Variants in EFCAB8 observed in about 807,000 individuals in gnomAD.
The protein encoded by EFCAB8 is EF-hand calcium binding domain 8, also known as EF-hand calcium-binding domain-containing protein 8.
A neutral mutation model predicts 116.3 loss-of-function variants in EFCAB8; 100 were observed. That is an observed-to-expected ratio of 0.86 (90% CI 0.73 to 1.02). EFCAB8 has a LOEUF of 1.02. Ranked by LOEUF, EFCAB8 falls within the 50% of genes least tolerant of loss-of-function variation. The pLI is 0.00. For missense variants in EFCAB8, 1,320 were observed against 1,416.9 expected (o/e 0.93, Z 1.10); for synonymous variants, 558 against 567.9 (o/e 0.98, Z 0.25).
chr20:32,961,162 G>T lies in EFCAB8; in HGVS notation c.3420G>T (p.Leu1140=), dbSNP rs557339857. ...TCTCGCCTCAGGTCTACCAAAGCCTGCACTTCAGTGATCTGATGCCGACTC... is the reference window on the plus strand; with the variant it reads ...TCTCGCCTCAGGTCTACCAAAGCCTTCACTTCAGTGATCTGATGCCGACTC... ...HQISPQVYQS[L]HFSDLMPTQQ... The change falls in exon 27 of 27, where the codon CTG becomes CTT. Residue 1140 remains leucine (L), a synonymous_variant. Coordinates refer to ENST00000400522, the MANE Select transcript of EFCAB8 (RefSeq NM_001143967.2). 1 of 1,552,266 alleles carries T rather than the reference G, an allele frequency of 6.4e-7. No individual in the cohort carries two copies. The highest frequency in any genetic ancestry group is 2.0e-5 in the Admixed American group (1 of 51,010).
chr20:32,865,053 C>A (rs1984320102), intron 2 of EFCAB8, among the ~76,000 whole-genome samples: 1 of 152,166 alleles, frequency 6.6e-6, no homozygotes, highest in South Asian at 2.1e-4. Flanking sequence ...GGGAGCCAGA[C>A]AGAATTCCAA....
chr20:32,860,328 T>TTATATATA (rs1278242081), intron 1 of EFCAB8, among the ~76,000 whole-genome samples: 2 of 151,730 alleles, frequency 1.3e-5, no homozygotes, highest in Non-Finnish European at 2.9e-5. Context: ...AAAAACCCAG[T>TTATATATA]TATTTTGTAG....
At chr20:32,931,103 C>G in intron 21 of EFCAB8, 75 bp from the exon 22 acceptor site, 1 of 1,289,572 alleles carries the variant, frequency 7.8e-7, no homozygotes, top group South Asian at 1.5e-5. Context: ...GAGGAATGGT[C>G]TGGGAGGAGC....
chr20:32,859,483 A>G (rs938455410), intron 1 of EFCAB8, among the ~76,000 whole-genome samples: 1 of 152,190 alleles, frequency 6.6e-6, no homozygotes, highest in Non-Finnish European at 1.5e-5. Context: ...TGTTGGCAGC[A>G]ACCAGCACTT....
rs1989040986 is a variant in EFCAB8, at chr20:32,958,437, T to C, written c.2976T>C (p.Ser992=). The change falls in exon 24 of 27, where the codon AGT becomes AGC. Residue 992 remains serine, a synonymous_variant. Transcript: ENST00000400522. The part of the protein sequence containing the change: ...SGDAIGTFGL[S]VWKRLQDACD... The stretch of plus-strand genomic sequence containing the variant: ...AAATCACAGGAACGTTTGGCCTGAG[T>C]GTGTGGAAAAGACTACAGGATGCCT... The C allele has an allele frequency of 2.4e-6, 1 of 416,398 alleles. No individual in the cohort carries two copies. The highest frequency in any genetic ancestry group is 4.4e-5 in the Admixed American group (1 of 22,690). 25.8% of individuals were successfully genotyped at this position (416,398 alleles called of 1,614,324 possible). A position where few individuals can be genotyped will look rare whatever the true frequency, so the allele number is the denominator to read the frequency against.
intron 11 of EFCAB8, among the ~76,000 whole-genome samples, chr20:32,902,293 G>A (rs189546818): frequency 6.6e-6 from 1 of 152,288 alleles, no homozygotes; most frequent in Admixed American, 6.5e-5. Context: ...GGCTGCATAG[G>A]ATGGTGGCCT....
chr20:32,879,595 A>C (rs985841030), intron 5 of EFCAB8, among the ~76,000 whole-genome samples: 1 of 152,188 alleles, frequency 6.6e-6, no homozygotes, highest in African/African-American at 2.4e-5. Flanking sequence ...CCTAAGAAAC[A>C]GATAACCTGA....
chr20:32,870,788 C>A (rs1303721162), intron 3 of EFCAB8, among the ~76,000 whole-genome samples: 2 of 152,146 alleles, frequency 1.3e-5, no homozygotes, highest in African/African-American at 4.8e-5. Context: ...AAGCGTTAGC[C>A]ACTGCACCCA....
At chr20:32,931,064 A>G in intron 21 of EFCAB8, 114 bp from the exon 22 acceptor site, 1 of 897,406 alleles carries the variant, frequency 1.1e-6, no homozygotes, top group Non-Finnish European at 1.7e-6. Context: ...GATGTAAGTA[A>G]GAACTGCCCC....
rs560542486 is a variant in EFCAB8, at chr20:32,919,575, C to T, written c.2275-503C>T. Among the ~76,000 whole-genome samples the T allele has an allele frequency of 3.3e-5, 5 of 152,232 alleles. No homozygotes were observed. In the South Asian group the frequency reaches 8.3e-4, roughly 25 times the overall value. On this transcript the variant is annotated intron_variant, in intron 19 of 26. Coordinates refer to ENST00000400522, the MANE Select transcript of EFCAB8 (RefSeq NM_001143967.2). ...GCAGTGGCGTGGTCTTCGCTCAGTG[C>T]AACCTCTGTCTCCTGGGTTCAAGCA...
chr20:32,875,447 T>A (rs1218541954), intron 3 of EFCAB8, among the ~76,000 whole-genome samples: 1 of 149,662 alleles, frequency 6.7e-6, no homozygotes, highest in Non-Finnish European at 1.5e-5. Flanking sequence ...CTGAGGACCG[T>A]AGGGGAGGCA....
Position 32,920,186 on chromosome 20 carries a change from T to C in EFCAB8, c.2383T>C (p.Leu795=), listed in dbSNP as rs866337578. ...AAAAGGAGAATGGCAGAAGAATATGTTGGTTCAATCCAGTGCCTCGGTGGA... is the reference window on the plus strand; with the variant it reads ...AAAAGGAGAATGGCAGAAGAATATGCTGGTTCAATCCAGTGCCTCGGTGGA... ...TRKGEWQKNM[L]VQSSASVEKI... Residue 795 remains leucine (L), a synonymous_variant, in exon 20 of 27, where the codon TTG becomes CTG. Transcript: ENST00000400522. 9 of 1,551,458 alleles carry C rather than the reference T, an allele frequency of 5.8e-6. No individual in the cohort carries two copies. Among genetic ancestry groups the C allele is most frequent in the African/African-American group, 5.5e-5 (4 of 72,998 alleles).
intron 19 of EFCAB8, 73 bp from the exon 20 acceptor site, chr20:32,920,005 C>A: frequency 6.5e-7 from 1 of 1,543,830 alleles, no homozygotes; most frequent in Middle Eastern, 1.7e-4. Flanking sequence ...TTATCATCTT[C>A]CTCTGGTCTC....
At chr20:32,923,372 G>C (rs1987541542) in intron 20 of EFCAB8, among the ~76,000 whole-genome samples, 1 of 151,998 alleles carries the variant, frequency 6.6e-6, no homozygotes, top group South Asian at 2.1e-4. Flanking sequence ...TGTAGTCCCA[G>C]CTAGTCGGGA....
At chr20:32,942,849 C>A (rs1029201210) in intron 22 of EFCAB8, among the ~76,000 whole-genome samples, 4 of 152,030 alleles carry the variant, frequency 2.6e-5, no homozygotes, top group Non-Finnish European at 4.4e-5. Context: ...TCTTATAGTT[C>A]ATCAGGTATC....
chr20:32,934,027 T>TC (rs2146278729), intron 22 of EFCAB8, among the ~76,000 whole-genome samples: 1 of 151,718 alleles, frequency 6.6e-6, no homozygotes, highest in African/African-American at 2.4e-5. Context: ...TTTTTTTTTT[T>TC]TGTAGAGATG....
Position 32,877,207 on chromosome 20 carries a change from C to CTTTTTTTTTTTTT in EFCAB8, c.327+1170_327+1182dup, listed in dbSNP as rs757130907. Among the ~76,000 whole-genome samples the CTTTTTTTTTTTTT allele has an allele frequency of 5.7e-4, 66 of 115,042 alleles. 1 individual carries two copies. The highest frequency in any genetic ancestry group is 1.0e-3 in the Non-Finnish European group (55 of 55,188). The allele number at this position is 115,042 out of a possible 152,430, so 75.5% of individuals were successfully genotyped here. A position where few individuals can be genotyped will look rare whatever the true frequency, so the allele number is the denominator to read the frequency against. On this transcript the variant is annotated intron_variant, in intron 4 of 26. Coordinates refer to ENST00000400522, the MANE Select transcript of EFCAB8 (RefSeq NM_001143967.2). ...TTTTCTTGTTTTTATTTATTTCTTT[C>CTTTTTTTTTTTTT]TTTTTTTTTTTTTTTTTTTGAGATG...
At chr20:32,894,078 C>T (rs35919572) in intron 9 of EFCAB8, among the ~76,000 whole-genome samples, 10,939 of 152,250 alleles carry the variant, frequency 0.072, 424 homozygotes, top group South Asian at 0.095. Context: ...CCAGAGGATA[C>T]GGCTCAGGGC....
chr20:32,894,546 T>A (rs1443328153), intron 9 of EFCAB8, among the ~76,000 whole-genome samples: 1 of 152,172 alleles, frequency 6.6e-6, no homozygotes, highest in Non-Finnish European at 1.5e-5. Flanking sequence ...AGTCCTTCCA[T>A]GCCAACAAGT....
Sources: allele counts gnomAD v4.1 joint callset (sites outside exome capture counted in the v4.1 genomes callset), GRCh38; gene constraint gnomAD v4.1.1; transcripts MANE v1.5; gene names NCBI Gene and HGNC (gene_info 2026-07-23, HGNC 2026-07-21).